GSE1: variants seen among roughly 807,000 people sequenced by gnomAD.
The protein encoded by GSE1 is Gse1 coiled-coil protein, also known as genetic suppressor element 1.
Under a neutral mutation model 112.6 loss-of-function variants are expected in GSE1, and 32 were observed. That is an observed-to-expected ratio of 0.28 (90% confidence interval 0.21 to 0.38). The LOEUF (loss-of-function observed/expected upper bound fraction) is 0.38, where lower values mean the gene tolerates loss of function less well. Among genes scored for constraint, GSE1 ranks in the 10% least tolerant of loss-of-function variants. GSE1 has a pLI of 1.00. For synonymous variants in GSE1, 1,115 were observed against 735.6 expected (o/e 1.52, Z -8.35); for missense variants, 2,348 against 1,699.2 (o/e 1.38, Z -6.71).
rs1019043068 is a variant in GSE1 at position 85,373,604 on chromosome 16, C to G, written c.2464+15961C>G. 2.0e-5 allele frequency among the ~76,000 whole-genome samples: 3 copies of G among 152,122 alleles called. No individual in the cohort carries two copies. The highest frequency in any genetic ancestry group is 6.5e-5 in the Admixed American group (1 of 15,280). On this transcript the variant is annotated intron_variant, in intron 2 of 2. Transcript: ENST00000637419. The surrounding 1 kb of genome is among the most constrained non-coding windows in gnomAD (Gnocchi z 5.1). ...GCATCGCTACTATGTGTCCTCCCAG[C>G]CTGGAGTGAGTGTCTGGGAGGGCCA...
intron 1 of GSE1, among the ~76,000 whole-genome samples, chr16:85,302,897 G>A (rs16944651): frequency 0.018 from 2,765 of 152,270 alleles, 74 homozygotes; most frequent in African/African-American, 0.063. Flanking sequence ...TCCTTCAATC[G>A]GGTCCAACGG....
chr16:85,218,330 G>T (rs553895624), intron 1 of GSE1, among the ~76,000 whole-genome samples: 97 of 152,256 alleles, frequency 6.4e-4, no homozygotes, highest in African/African-American at 2.2e-3. Context: ...CCTGTGACTC[G>T]GGATGGGCTG....
intron 1 of GSE1, among the ~76,000 whole-genome samples, chr16:85,627,878 G>T (rs1328803376): frequency 1.3e-5 from 2 of 152,218 alleles, no homozygotes; most frequent in African/African-American, 4.8e-5. Context: ...CGCCATCCCT[G>T]TGTCCCCCAC....
chr16:85,496,906 T>G (rs527264390), intron 2 of GSE1, among the ~76,000 whole-genome samples: 104 of 150,894 alleles, frequency 6.9e-4, no homozygotes, highest in East Asian at 3.5e-3. Flanking sequence ...CTTTGTTGTT[T>G]TTTTTTTCTT....
At chr16:85,307,608 G>GCC (rs1555558401) in intron 1 of GSE1, among the ~76,000 whole-genome samples, 3 of 38,454 alleles carry the variant, frequency 7.8e-5, no homozygotes, top group Admixed American at 5.6e-4. Context: ...GCGTGTGATG[G>GCC]CACACAGCAT....
At chr16:85,260,680 G>T (rs574507074) in intron 1 of GSE1, among the ~76,000 whole-genome samples, 2 of 152,340 alleles carry the variant, frequency 1.3e-5, no homozygotes, top group East Asian at 3.9e-4. Context: ...AGGGCAATGG[G>T]GGCTACGCCA....
rs774753192 is a variant in GSE1, at chr16:85,661,363, G to A, written c.1858G>A (p.Val620Met). The part of the protein sequence containing the change: ...AAFEPSRQAA[V>M]PLVKVERVFC... Reference sequence around the variant, plus strand: ...ATTTGAGCCCAGCCGCCAGGCAGCCGTGCCGCTGGTGAAGGTGGAGCGGGT... The same window carrying A: ...ATTTGAGCCCAGCCGCCAGGCAGCCATGCCGCTGGTGAAGGTGGAGCGGGT... Residue 620 changes from valine (V) to methionine (M), a missense_variant, in exon 9 of 16, where the codon GTG (valine) becomes ATG (methionine). Coordinates refer to ENST00000253458, the MANE Select transcript of GSE1 (RefSeq NM_014615.5). 9.3e-6 allele frequency: 15 copies of A among 1,612,142 alleles called. No homozygotes were observed. The highest frequency in any genetic ancestry group is 8.9e-5 in the East Asian group (4 of 44,872).
intron 2 of GSE1, among the ~76,000 whole-genome samples, chr16:85,511,798 G>A (rs2051755706): frequency 6.6e-6 from 1 of 152,160 alleles, no homozygotes; most frequent in Non-Finnish European, 1.5e-5. Flanking sequence ...GCTGGAAGAG[G>A]CAGGAAGGAG....
At chr16:85,632,066 G>A (rs1158922141) in intron 1 of GSE1, among the ~76,000 whole-genome samples, 2 of 152,244 alleles carry the variant, frequency 1.3e-5, no homozygotes, top group Admixed American at 1.3e-4. Flanking sequence ...CTGCCAGGCA[G>A]AGCCCCCGCC....
At chr16:85,246,434 TACACACACACACAC>T (rs141045364) in intron 1 of GSE1, among the ~76,000 whole-genome samples, 2 of 44,442 alleles carry the variant, frequency 4.5e-5, no homozygotes, top group Non-Finnish European at 8.2e-5. Flanking sequence ...CCATGCTCTC[TACACACACACACAC>T]ACACACACAC....
chr16:85,619,778 A>G (rs2048614459), intron 1 of GSE1, among the ~76,000 whole-genome samples: 1 of 152,036 alleles, frequency 6.6e-6, no homozygotes, highest in Admixed American at 6.5e-5. Flanking sequence ...CCAGGGAGGG[A>G]CTGACTTGCT....
chr16:85,485,557 C>T (rs1026377775), intron 2 of GSE1, among the ~76,000 whole-genome samples: 1 of 152,266 alleles, frequency 6.6e-6, no homozygotes, highest in African/African-American at 2.4e-5. Flanking sequence ...GCAGGCCCGG[C>T]TGCCGCCGCC....
chr16:85,196,621 AAC>A (rs2074933000), intron 1 of GSE1, among the ~76,000 whole-genome samples: 1 of 152,004 alleles, frequency 6.6e-6, no homozygotes, highest in Admixed American at 6.5e-5. Flanking sequence ...CGATGGGTGG[AAC>A]ACAGACGTGC....
chr16:85,321,677 T>C (rs548069551), intron 1 of GSE1, among the ~76,000 whole-genome samples: 41 of 151,126 alleles, frequency 2.7e-4, no homozygotes, highest in African/African-American at 9.7e-4. Flanking sequence ...TAACTGGGTG[T>C]GGTGGTGTGC....
chr16:85,649,853 C>T (rs560495801), intron 3 of GSE1, among the ~76,000 whole-genome samples: 1 of 152,190 alleles, frequency 6.6e-6, no homozygotes, highest in African/African-American at 2.4e-5. Flanking sequence ...GAGCCACCTG[C>T]TCATCATCAG....
At chr16:85,616,308 T>A (rs1453994690) in intron 1 of GSE1, among the ~76,000 whole-genome samples, 1 of 152,226 alleles carries the variant, frequency 6.6e-6, no homozygotes, top group Non-Finnish European at 1.5e-5. Context: ...AGCTGGTGCC[T>A]CCCACTTTTC....
intron 2 of GSE1, among the ~76,000 whole-genome samples, chr16:85,497,023 C>G (rs1018395180): frequency 2.0e-5 from 3 of 152,156 alleles, no homozygotes; most frequent in African/African-American, 7.2e-5. Flanking sequence ...CTCAGCCTCC[C>G]GAGTAGCTGG....
At position 85,550,473 on chromosome 16, in the gene GSE1, C is replaced by T. The variant is rs145375507; in HGVS notation, c.2465-83441C>T. Among the ~76,000 whole-genome samples the T allele has an allele frequency of 9.1e-4, 139 of 152,164 alleles. 1 individual carries two copies. In the East Asian group the frequency reaches 9.7e-3, roughly 11 times the overall value. ...GGTATTATTACCCTAAAGAGGGAAA[C>T]GGAGGCTGCCCACCCGAGAACAGAC... is the stretch of plus-strand genomic sequence containing the variant. On this transcript the variant is annotated intron_variant, in intron 2 of 2. Coordinates refer to the GSE1 transcript ENST00000637419.
intron 1 of GSE1, among the ~76,000 whole-genome samples, chr16:85,590,424 C>T (rs1469030412): frequency 2.0e-5 from 3 of 146,820 alleles, no homozygotes; most frequent in African/African-American, 5.1e-5. Context: ...CATGTGGGCC[C>T]GCGTGTGAAT....
Sources: gnomAD v4.1 joint callset for allele counts (sites outside exome capture counted in the v4.1 genomes callset) on GRCh38, gnomAD v4.1.1 for gene constraint, Gnocchi (gnomAD v3.1) non-coding constraint, MANE v1.5 for transcripts, NCBI Gene and HGNC (gene_info 2026-07-23, HGNC 2026-07-21) for gene names.